The following CMC1 variants were observed in gnomAD, a reference collection of about 807,000 sequenced individuals.
CMC1 encodes the protein COX assembly mitochondrial protein homolog.
In CMC1, 14 loss-of-function variants were observed where a neutral mutation model predicts 14.1. The ratio of observed to expected loss-of-function variants is 0.99; its 90% CI spans 0.66 to 1.55. The LOEUF is 1.55. CMC1 is among the 40% of genes most tolerant of loss of function. CMC1 has a pLI of 0.00. For synonymous variants in CMC1, 50 were observed against 38.4 expected (o/e 1.30, Z -1.12); for missense variants, 127 against 123.8 (o/e 1.03, Z -0.12).
intron 2 of CMC1, among the ~76,000 whole-genome samples, chr3:28,265,981 C>T (rs1300694107): frequency 6.6e-6 from 1 of 152,094 alleles, no homozygotes; most frequent in Non-Finnish European, 1.5e-5. Flanking sequence ...CAACCATTAC[C>T]AGCTGGGACA....
rs752571451 is a variant in CMC1, at chr3:28,321,684, CAT to C, written c.*2056_*2057del. The C allele has an allele frequency of 6.6e-6, 1 of 151,360 alleles. No homozygotes were observed. Among genetic ancestry groups the C allele is most frequent in the Non-Finnish European group, 1.5e-5 (1 of 67,532 alleles). 9.4% of individuals were successfully genotyped at this position (151,360 alleles called of 1,614,324 possible). A position where few individuals can be genotyped will look rare whatever the true frequency, so the allele number is the denominator to read the frequency against. ...AATTAAGATCAGTACTTTGTTGTCACATGATTCAGCTCTTCAAGTCTGAATTT... is the reference window on the plus strand; with the variant it reads ...AATTAAGATCAGTACTTTGTTGTCACGATTCAGCTCTTCAAGTCTGAATTT... On this transcript the variant is annotated 3_prime_UTR_variant, in exon 4 of 4. Transcript: ENST00000466830.
rs189529968 is a variant in CMC1, at chr3:28,312,173, A to T, written c.110-4160A>T. Reference sequence around the variant, plus strand: ...TTCTAAACTGTATTGGTATCCAAATATGCCTTTGCTTTTTGTAATGCTAGG... The same window carrying T: ...TTCTAAACTGTATTGGTATCCAAATTTGCCTTTGCTTTTTGTAATGCTAGG... On this transcript the variant is annotated intron_variant, in intron 2 of 3. Coordinates refer to ENST00000466830, the MANE Select transcript of CMC1 (RefSeq NM_182523.2). Among the ~76,000 whole-genome samples, 454 of 152,326 alleles carry T rather than the reference A, an allele frequency of 3.0e-3. 3 individuals are homozygous for T. The highest frequency in any genetic ancestry group is 0.01 in the African/African-American group (427 of 41,580).
rs34355044 is a variant in CMC1, at chr3:28,263,041, ATGT to A, written c.20-246_20-244del. 2.4e-3 allele frequency: 888 copies of A among 377,800 alleles called. 5 individuals are homozygous for A. The highest frequency in any genetic ancestry group is 3.1e-3 in the Middle Eastern group (4 of 1,294). The allele number at this position is 377,800 out of a possible 1,614,324, so 23.4% of individuals were successfully genotyped here. On this transcript the variant is annotated intron_variant, in intron 1 of 3. Transcript: ENST00000466830. ...GCATGGAATATGTTATAAAGTAAAGATGTTGTAGTATAGTTTGCAGAAATTTTA... is the reference window on the plus strand; with the variant it reads ...GCATGGAATATGTTATAAAGTAAAGATGTAGTATAGTTTGCAGAAATTTTA...
At chr3:28,244,723 C>G (rs6795287) in intron 1 of CMC1, among the ~76,000 whole-genome samples, 1 of 147,466 alleles carries the variant, frequency 6.8e-6, no homozygotes, top group Non-Finnish European at 1.5e-5. Flanking sequence ...GAGACTTCGT[C>G]TCAAAAAAAA....
At position 28,321,517 on chromosome 3, in the gene CMC1, A is replaced by G. The variant is rs1010379802; in HGVS notation, c.*1888A>G. ...GAATACCCATGTGTATCCATACTGA[A>G]GATTTTTTTCACCTGGTACATCTGT... On this transcript the variant is annotated 3_prime_UTR_variant, in exon 4 of 4. Transcript: ENST00000466830. 33 of 151,368 alleles carry G rather than the reference A, an allele frequency of 2.2e-4. No homozygotes were observed. The highest frequency in any genetic ancestry group is 7.5e-4 in the African/African-American group (31 of 41,350). The allele number at this position is 151,368 out of a possible 1,614,324, so 9.4% of individuals were successfully genotyped here.
intron 2 of CMC1, among the ~76,000 whole-genome samples, chr3:28,280,838 T>C (rs1309371803): frequency 6.6e-6 from 1 of 152,170 alleles, no homozygotes; most frequent in Non-Finnish European, 1.5e-5. Flanking sequence ...TAGTTAACAA[T>C]ATATTGTATT....
At chr3:28,311,017 G>T (rs554224572) in intron 2 of CMC1, among the ~76,000 whole-genome samples, 1 of 152,206 alleles carries the variant, frequency 6.6e-6, no homozygotes, top group Non-Finnish European at 1.5e-5. Context: ...TGTCCCGCCC[G>T]GTTCCTAACA....
At position 28,323,913 on chromosome 3, in the gene CMC1, C is replaced by A; in HGVS notation, c.*4284C>A. On this transcript the variant is annotated 3_prime_UTR_variant, in exon 4 of 4. Coordinates refer to ENST00000466830, the MANE Select transcript of CMC1 (RefSeq NM_182523.2). ...TTTTTGTACTATTGTACAGTGTGTT[C>A]AAATATAGATACTGAAGACCTCTGC... 1 of 1,074,864 alleles carries A rather than the reference C, an allele frequency of 9.3e-7. No homozygotes were observed. The highest frequency in any genetic ancestry group is 2.6e-5 in the Admixed American group (1 of 39,084). 66.6% of individuals were successfully genotyped at this position (1,074,864 alleles called of 1,614,324 possible). A position where few individuals can be genotyped will look rare whatever the true frequency, so the allele number is the denominator to read the frequency against.
intron 2 of CMC1, among the ~76,000 whole-genome samples, chr3:28,274,842 C>T (rs1046238041): frequency 6.6e-6 from 1 of 151,834 alleles, no homozygotes; most frequent in Non-Finnish European, 1.5e-5. Flanking sequence ...TCTTGTCTGC[C>T]TGTCTTATTT....
At chr3:28,314,774 A>AT (rs1182486877) in intron 2 of CMC1, among the ~76,000 whole-genome samples, 2 of 151,034 alleles carry the variant, frequency 1.3e-5, no homozygotes, top group East Asian at 3.9e-4. Context: ...CCCCTAATGA[A>AT]TTTTTTATGC....
At chr3:28,277,402 G>A (rs945446264) in intron 2 of CMC1, among the ~76,000 whole-genome samples, 11 of 152,112 alleles carry the variant, frequency 7.2e-5, no homozygotes, top group African/African-American at 2.7e-4. Context: ...TATGTGGAAT[G>A]TACTCATTTA....
intron 2 of CMC1, among the ~76,000 whole-genome samples, chr3:28,298,923 G>A (rs887852479): frequency 9.9e-5 from 15 of 152,156 alleles, no homozygotes; most frequent in Middle Eastern, 3.4e-3. Flanking sequence ...GAAAGAGTAT[G>A]ATGTAAAAGG....
At chr3:28,277,272 C>T (rs1004097667) in intron 2 of CMC1, among the ~76,000 whole-genome samples, 13 of 152,078 alleles carry the variant, frequency 8.5e-5, no homozygotes, top group African/African-American at 1.7e-4. Flanking sequence ...ATTGTATTTG[C>T]GTTTGGTAAT....
intron 1 of CMC1, among the ~76,000 whole-genome samples, chr3:28,243,043 A>G (rs1479423095): frequency 6.6e-6 from 1 of 151,858 alleles, no homozygotes; most frequent in Non-Finnish European, 1.5e-5. Context: ...TTAGGCCCAT[A>G]TAATTTATGG....
chr3:28,281,442 C>A (rs972787435), intron 2 of CMC1, among the ~76,000 whole-genome samples: 8 of 152,136 alleles, frequency 5.3e-5, no homozygotes, highest in Non-Finnish European at 1.0e-4. Context: ...GATAACTAGA[C>A]ATTGCTTCAG....
intron 2 of CMC1, among the ~76,000 whole-genome samples, chr3:28,312,568 A>G (rs1702691068): frequency 6.6e-6 from 1 of 152,160 alleles, no homozygotes; most frequent in African/African-American, 2.4e-5. Flanking sequence ...GAACCATATT[A>G]TTGGGGATTA....
rs138597913 is a variant in CMC1, at chr3:28,283,412, A to G, written c.109+20032A>G. Among the ~76,000 whole-genome samples, 666 of 152,116 alleles carry G rather than the reference A, an allele frequency of 4.4e-3. 10 individuals carry two copies. Among genetic ancestry groups the G allele is most frequent in the African/African-American group, 0.015 (628 of 41,498 alleles). On this transcript the variant is annotated intron_variant, in intron 2 of 3. Transcript: ENST00000466830. Reference sequence around the variant, plus strand: ...CGCATGCCTGTAATCCCGGCTACTCAGGAGGCTGAAGCAAGAGAATCGCTT... The same window carrying G: ...CGCATGCCTGTAATCCCGGCTACTCGGGAGGCTGAAGCAAGAGAATCGCTT...
chr3:28,295,925 A>G (rs1462405410), intron 2 of CMC1, among the ~76,000 whole-genome samples: 1 of 152,068 alleles, frequency 6.6e-6, no homozygotes, highest in Non-Finnish European at 1.5e-5. Flanking sequence ...TGTGCAACTC[A>G]AACCCATGTT....
intron 2 of CMC1, among the ~76,000 whole-genome samples, chr3:28,296,711 T>C (rs924735161): frequency 6.6e-6 from 1 of 152,066 alleles, no homozygotes; most frequent in Non-Finnish European, 1.5e-5. Flanking sequence ...TCTAAGTAGC[T>C]TCTAAGATGA....
Sources: allele counts gnomAD v4.1 joint callset (sites outside exome capture counted in the v4.1 genomes callset), GRCh38; gene constraint gnomAD v4.1.1; transcripts MANE v1.5; gene names NCBI Gene and HGNC (gene_info 2026-07-23, HGNC 2026-07-21).